Variants in RNF24 observed in about 807,000 individuals in gnomAD.
RNF24 encodes the protein ring finger protein 24.
RNF24 carries 14 observed loss-of-function variants against 20.0 expected under a neutral mutation model. The ratio of observed to expected loss-of-function variants is 0.70; its 90% confidence interval spans 0.46 to 1.10. The LOEUF is 1.10. RNF24 is among the 50% of genes least tolerant of loss of function. The probability of loss-of-function intolerance (pLI) is 0.00; values close to 1 mark genes in which losing one functional copy is unlikely to be tolerated. For missense variants in RNF24, 124 were observed against 177.6 expected, an observed-to-expected ratio of 0.70 and a Z score of 1.71; for synonymous variants, 45 against 61.1, an observed-to-expected ratio of 0.74 and a Z score of 1.23.
intron 1 of RNF24, among the ~76,000 whole-genome samples, chr20:4,010,672 T>C (rs1054487764): frequency 6.6e-6 from 1 of 152,246 alleles, no homozygotes; most frequent in Admixed American, 6.5e-5. Context: ...CAATTGATAT[T>C]TTCATTGTTG....
chr20:3,964,028 TG>T lies in RNF24; in HGVS notation c.-7-5del, dbSNP rs1290845276. On this transcript the variant is annotated splice_region_variant and splice_polypyrimidine_tract_variant and intron_variant, in intron 1 of 5. Coordinates refer to ENST00000358395, the MANE Select transcript of RNF24 (RefSeq NM_001134337.3). ...GAAATCCGAGCTCATGGATGAACTG[TG>T]GGGGAAGAAAAGAATGGAAAAAAAA... 6.2e-7 allele frequency: 1 copy of T among 1,608,886 alleles called. No homozygotes were observed. The highest frequency in any genetic ancestry group is 8.5e-7 in the Non-Finnish European group (1 of 1,178,548).
intron 1 of RNF24, among the ~76,000 whole-genome samples, chr20:3,986,876 C>G (rs1383918156): frequency 6.6e-6 from 1 of 152,090 alleles, no homozygotes; most frequent in East Asian, 1.9e-4. Context: ...GTCTTGATCT[C>G]CTGATCTCGT....
chr20:3,967,583 GGCTGCA>G (rs2091271096), intron 1 of RNF24, among the ~76,000 whole-genome samples: 2 of 152,286 alleles, frequency 1.3e-5, no homozygotes, highest in Non-Finnish European at 2.9e-5. Context: ...AGCTAAATGG[GGCTGCA>G]GTAGCATTCC....
chr20:3,962,348 C>T (rs1436549063), intron 2 of RNF24, among the ~76,000 whole-genome samples: 4 of 152,152 alleles, frequency 2.6e-5, no homozygotes, highest in Non-Finnish European at 1.5e-5. Context: ...AGTGAGAACC[C>T]ATCTCAAATA....
At chr20:3,982,185 A>C (rs1448765871) in intron 1 of RNF24, among the ~76,000 whole-genome samples, 2 of 150,954 alleles carry the variant, frequency 1.3e-5, no homozygotes, top group African/African-American at 4.9e-5. Context: ...AAGTACATTA[A>C]ATTTATAGCT....
chr20:4,010,382 A>G (rs1982366679), intron 1 of RNF24, among the ~76,000 whole-genome samples: 1 of 152,194 alleles, frequency 6.6e-6, no homozygotes, highest in Non-Finnish European at 1.5e-5. Flanking sequence ...CAAAATAATA[A>G]TAATAATATG....
intron 1 of RNF24, among the ~76,000 whole-genome samples, chr20:3,972,720 G>A (rs950573355): frequency 6.6e-5 from 10 of 152,052 alleles, no homozygotes; most frequent in Non-Finnish European, 1.3e-4. Flanking sequence ...GGCCAACATG[G>A]TGAAACCCCA....
chr20:3,984,987 G>A (rs1979755912), intron 1 of RNF24, among the ~76,000 whole-genome samples: 1 of 151,964 alleles, frequency 6.6e-6, no homozygotes, highest in African/African-American at 2.4e-5. Context: ...CCTTTTCTGA[G>A]GCTTCCTCCG....
At chr20:3,996,615 T>C (rs775156389) in intron 1 of RNF24, among the ~76,000 whole-genome samples, 2 of 152,206 alleles carry the variant, frequency 1.3e-5, no homozygotes, top group Non-Finnish European at 2.9e-5. Flanking sequence ...TGGTTGGGCA[T>C]GTGACTACAC....
At chr20:4,000,119 T>TA (rs1301268889) in intron 1 of RNF24, among the ~76,000 whole-genome samples, 6 of 152,198 alleles carry the variant, frequency 3.9e-5, no homozygotes, top group Non-Finnish European at 5.9e-5. Context: ...TCTAATATTC[T>TA]AAAAGCCACT....
chr20:4,008,329 A>AATATG (rs1982052744), intron 1 of RNF24, among the ~76,000 whole-genome samples: 1 of 91,162 alleles, frequency 1.1e-5, no homozygotes, highest in Non-Finnish European at 2.0e-5. Context: ...TATTATATAT[A>AATATG]TAATATATAT....
chr20:3,945,623 G>A (rs750211015), intron 3 of RNF24, among the ~76,000 whole-genome samples: 5 of 151,476 alleles, frequency 3.3e-5, no homozygotes, highest in Non-Finnish European at 7.4e-5. Context: ...GCTGAGGCAG[G>A]AGATTCACTT....
In RNF24 at chr20:3,927,852, T is replaced by C. The variant is rs1289467708; in HGVS notation, c.*6211A>G. 1 of 152,212 alleles carries C rather than the reference T, an allele frequency of 6.6e-6. No homozygotes were observed. The highest frequency in any genetic ancestry group is 2.4e-5 in the African/African-American group (1 of 41,430). 9.4% of individuals were successfully genotyped at this position (152,212 alleles called of 1,614,324 possible). On this transcript the variant is annotated 3_prime_UTR_variant, in exon 6 of 6. Transcript: ENST00000358395. Reference sequence around the variant, plus strand: ...GCACAAACAAGTCTGCTGACACTGGTGGGGCCCTTACAGTCACAGAAGTAA... The same window carrying C: ...GCACAAACAAGTCTGCTGACACTGGCGGGGCCCTTACAGTCACAGAAGTAA...
Position 3,979,373 on chromosome 20 carries a change from C to A in RNF24, c.-7-15349G>T, listed in dbSNP as rs186147140. Reference sequence around the variant, plus strand: ...ACTACTTATAAATTCAAAAAATAATCTTTAAAATGACTTCAGGCCAGGTGT... The same window carrying A: ...ACTACTTATAAATTCAAAAAATAATATTTAAAATGACTTCAGGCCAGGTGT... On this transcript the variant is annotated intron_variant, in intron 1 of 5. Transcript: ENST00000358395. Among the ~76,000 whole-genome samples, 9 of 152,026 alleles carry A rather than the reference C, an allele frequency of 5.9e-5. 1 individual carries two copies. In the East Asian group the frequency reaches 1.7e-3, roughly 30 times the overall value.
chr20:3,953,459 CA>C (rs2091105035), intron 2 of RNF24, among the ~76,000 whole-genome samples: 1 of 116,996 alleles, frequency 8.5e-6, no homozygotes, highest in Non-Finnish European at 1.7e-5. Flanking sequence ...GCCCAAAACA[CA>C]TTCTCTCTTT....
At chr20:3,996,580 C>A (rs1460077939) in intron 1 of RNF24, among the ~76,000 whole-genome samples, 1 of 152,104 alleles carries the variant, frequency 6.6e-6, no homozygotes, top group Admixed American at 6.6e-5. Flanking sequence ...TCTGTTCTCC[C>A]TTTCTTCCAC....
intron 1 of RNF24, among the ~76,000 whole-genome samples, chr20:4,007,943 C>G (rs79512563): frequency 0.012 from 1,756 of 151,218 alleles, 34 homozygotes; most frequent in African/African-American, 0.041. Context: ...CCCCGCCCCC[C>G]ACAAAACCAA....
At chr20:3,989,643 T>TAA (rs1980255557) in intron 1 of RNF24, among the ~76,000 whole-genome samples, 1 of 152,248 alleles carries the variant, frequency 6.6e-6, no homozygotes, top group South Asian at 2.1e-4. Flanking sequence ...ATTTTCCTGC[T>TAA]GTTTTGTTGT....
rs76686164 is a variant in RNF24 at position 3,976,513 on chromosome 20, T to C, written c.-7-12489A>G. On this transcript the variant is annotated intron_variant, in intron 1 of 5. Coordinates refer to ENST00000358395, the MANE Select transcript of RNF24 (RefSeq NM_001134337.3). ...ATGCAACTGCCATACAACTCAGCAGTTGCACTCCTGGGCATTTATTCCAGG... is the reference window on the plus strand; with the variant it reads ...ATGCAACTGCCATACAACTCAGCAGCTGCACTCCTGGGCATTTATTCCAGG... 4.6e-3 allele frequency among the ~76,000 whole-genome samples: 694 copies of C among 152,276 alleles called. 13 individuals are homozygous for C. Among genetic ancestry groups the C allele is most frequent in the Admixed American group, 0.03 (457 of 15,290 alleles).
Sources: gnomAD v4.1 joint callset for allele counts (sites outside exome capture counted in the v4.1 genomes callset) on GRCh38, gnomAD v4.1.1 for gene constraint, MANE v1.5 for transcripts, NCBI Gene and HGNC (gene_info 2026-07-23, HGNC 2026-07-21) for gene names.